Variants in GLOD4 observed in about 807,000 individuals in gnomAD.
The protein encoded by GLOD4 is glyoxalase domain-containing protein 4.
A neutral mutation model predicts 39.1 loss-of-function variants in GLOD4; 44 were observed. That is an observed-to-expected ratio of 1.13 (90% CI 0.88 to 1.45). The LOEUF (loss-of-function observed/expected upper bound fraction) is 1.45. Ranked by LOEUF, GLOD4 falls within the 40% of genes most tolerant of loss-of-function variation. GLOD4 has a pLI of 0.00. For synonymous variants in GLOD4, 145 were observed against 135.0 expected, an observed-to-expected ratio of 1.07 and a Z score of -0.52; for missense variants, 405 against 366.4, an observed-to-expected ratio of 1.11 and a Z score of -0.86.
rs140989061 is a variant in GLOD4 at position 768,460 on chromosome 17, G to A, written c.831+1409C>T. ...AGAGGACATAAGAGGGAGAAACAGC[G>A]CGCACTCAGATTTTTAGAAGAAATC... On this transcript the variant is annotated intron_variant, in intron 8 of 8. Coordinates refer to ENST00000301329, the MANE Select transcript of GLOD4 (RefSeq NM_016080.4). 1.3e-4 allele frequency among the ~76,000 whole-genome samples: 19 copies of A among 143,070 alleles called. No homozygotes were observed. The East Asian group carries it at 1.7e-3, about 13-fold the overall frequency. 93.9% of individuals were successfully genotyped at this position (143,070 alleles called of 152,430 possible).
upstream of GLOD4, chr17:782,374 G>A (rs777644106): frequency 6.2e-7 from 1 of 1,613,564 alleles, no homozygotes; most frequent in Non-Finnish European, 8.5e-7. Context: ...CGGGTCTCAG[G>A]GAACATGGCG....
chr17:776,016 T>TA, intron 3 of GLOD4, 97 bp from the exon 4 acceptor site: 1 of 870,168 alleles, frequency 1.1e-6, no homozygotes, highest in Non-Finnish European at 1.8e-6. Context: ...TGCCTTTAGG[T>TA]AAAATCACCT....
At chr17:780,692 G>C (rs1296789594) in intron 1 of GLOD4, 1 of 142,044 alleles carries the variant, frequency 7.0e-6, no homozygotes, top group African/African-American at 2.6e-5. Flanking sequence ...ACAGTGAGCC[G>C]AGATCGCGCC....
chr17:770,693 A>AC (rs201063438), intron 5 of GLOD4, 186 bp from the exon 6 acceptor site: 5 of 413,018 alleles, frequency 1.2e-5, no homozygotes, highest in Admixed American at 8.5e-5. Context: ...GCACGCATCT[A>AC]TGTTTTTTTT....
rs1208006656 is a variant in GLOD4, at chr17:775,696, A to G, written c.406+79T>C. 7 of 1,231,138 alleles carry G rather than the reference A, an allele frequency of 5.7e-6. No homozygotes were observed. In the Admixed American group the frequency reaches 5.8e-5, roughly 10 times the overall value. 76.3% of individuals were successfully genotyped at this position (1,231,138 alleles called of 1,614,324 possible). On this transcript the variant is annotated intron_variant, in intron 4 of 8. Coordinates refer to ENST00000301329, the MANE Select transcript of GLOD4 (RefSeq NM_016080.4). ...GTCACGTGAACACAGACTCTACAAAAAAAAGACAGGCAGCCCTCACTCTCC... is the reference window on the plus strand; with the variant it reads ...GTCACGTGAACACAGACTCTACAAAGAAAAGACAGGCAGCCCTCACTCTCC...
intron 4 of GLOD4, among the ~76,000 whole-genome samples, chr17:775,432 G>A (rs548123045): frequency 5.3e-5 from 8 of 152,318 alleles, no homozygotes; most frequent in Non-Finnish European, 1.0e-4. Context: ...TGGGGAGCTG[G>A]TGAATCATCT....
chr17:769,423 C>G (rs796760940), intron 8 of GLOD4, among the ~76,000 whole-genome samples: 1,252 of 34,402 alleles, frequency 0.036, no homozygotes, highest in Middle Eastern at 0.077. Context: ...ATCTCCCTGG[C>G]GAGAGCTGAG....
Position 761,715 on chromosome 17 carries a change from G to A in GLOD4, c.832-1477C>T, listed in dbSNP as rs140425156. 1.9e-3 allele frequency among the ~76,000 whole-genome samples: 295 copies of A among 152,292 alleles called. 1 individual carries two copies. The highest frequency in any genetic ancestry group is 6.9e-3 in the African/African-American group (287 of 41,562). ...GACAGGGTTTCACCATGTTGGTCAG[G>A]CTGGTCTGGGACTCCTGACCTCAGG... On this transcript the variant is annotated intron_variant, in intron 8 of 8. Transcript: ENST00000301329.
chr17:772,013 CAAAAAAAA>C (rs67745456), intron 4 of GLOD4, among the ~76,000 whole-genome samples: 5 of 50,992 alleles, frequency 9.8e-5, no homozygotes, highest in African/African-American at 3.4e-4. Flanking sequence ...AACTCTGTCT[CAAAAAAAA>C]AAAAAAAAAA....
chr17:774,297 C>T (rs1192276292), intron 4 of GLOD4, among the ~76,000 whole-genome samples: 4 of 152,140 alleles, frequency 2.6e-5, no homozygotes, highest in African/African-American at 7.2e-5. Flanking sequence ...ATGGGGGCAT[C>T]GGGGACAGGA....
chr17:784,280 GTCACAGGGATCTGTGCCTCTGCAC>G (rs1424013956), upstream of GLOD4, among the ~76,000 whole-genome samples: 1 of 152,226 alleles, frequency 6.6e-6, no homozygotes, highest in Non-Finnish European at 1.5e-5. Flanking sequence ...AACCCAGTGA[GTCACAGGGATCTGTGCCTCTGCAC>G]TCAGAGCTCT....
At position 769,898 on chromosome 17, in the gene GLOD4, C is replaced by G. The variant is rs746588800; in HGVS notation, c.802G>C (p.Asp268His). 6.8e-6 allele frequency: 11 copies of G among 1,606,726 alleles called. No homozygotes were observed. The highest frequency in any genetic ancestry group is 1.7e-6 in the Non-Finnish European group (2 of 1,173,208). The change falls in exon 8 of 9, where the codon GAT (aspartate) becomes CAT (histidine). Residue 268 changes from aspartate (D) to histidine (H), a missense_variant. Physicochemically the swap from Asp to His is moderately conservative, Grantham distance 81 (BLOSUM62 -1). Transcript: ENST00000301329. ...DEAFRELSKMDPEGSKLLDDA... is the reference protein window; with the variant it reads ...DEAFRELSKMHPEGSKLLDDA... ...TCCAACAATTTGCTTCCCTCTGGAT[C>G]CATCTTAGAAAGTTCTCGAAATGCT...
chr17:766,696 T>TTTA (rs1906628855), intron 8 of GLOD4, among the ~76,000 whole-genome samples: 1 of 151,962 alleles, frequency 6.6e-6, no homozygotes, highest in Admixed American at 6.6e-5. Context: ...GGCTAGGAGT[T>TTTA]TGAGACCAGC....
At chr17:771,637 G>GT (rs1907959984) in intron 4 of GLOD4, among the ~76,000 whole-genome samples, 176 bp from the exon 5 acceptor site, 1 of 152,240 alleles carries the variant, frequency 6.6e-6, no homozygotes, top group Non-Finnish European at 1.5e-5. Flanking sequence ...GGAGACTGAG[G>GT]TAGGAGGATT....
rs141525142 is a variant in GLOD4 at position 776,946 on chromosome 17, C to T, written c.183G>A (p.Gly61=). The T allele has an allele frequency of 5.6e-6, 9 of 1,605,244 alleles. No homozygotes were observed. Among genetic ancestry groups the T allele is most frequent in the Non-Finnish European group, 7.7e-6 (9 of 1,171,992 alleles). Reference sequence around the variant, plus strand: ...CTGCGACAAAATGATCATCCTCAGGCCCAAATCCCACCATTGTTTTACTCC... The same window carrying T: ...CTGCGACAAAATGATCATCCTCAGGTCCAAATCCCACCATTGTTTTACTCC... ...GKWSKTMVGF[G]PEDDHFVAEL... Residue 61 remains glycine, a synonymous_variant, in exon 3 of 9, where the codon GGG becomes GGA. Transcript: ENST00000301329.
chr17:782,598 C>T, upstream of GLOD4: 2 of 1,614,094 alleles, frequency 1.2e-6, no homozygotes, highest in Non-Finnish European at 1.7e-6. Flanking sequence ...ACGAGAGAAA[C>T]AACCGCTCGA....
intron 4 of GLOD4, among the ~76,000 whole-genome samples, chr17:772,452 A>G (rs929934319): frequency 1.3e-5 from 2 of 152,130 alleles, no homozygotes; most frequent in African/African-American, 4.8e-5. Context: ...CTATGAAGAA[A>G]AAACTTCTGC....
Position 775,831 on chromosome 17 carries a change from G to A in GLOD4, c.350C>T (p.Thr117Ile), listed in dbSNP as rs1407511880. 1.2e-6 allele frequency: 2 copies of A among 1,613,974 alleles called. No individual in the cohort carries two copies. The highest frequency in any genetic ancestry group is 2.2e-5 in the South Asian group (2 of 91,084). The change falls in exon 4 of 9, where the codon ACC becomes ATC. Residue 117 changes from threonine to isoleucine, a missense_variant. Coordinates refer to ENST00000301329, the MANE Select transcript of GLOD4 (RefSeq NM_016080.4). ...GAACTTATATCCTCCCGGGGCCTCG[G>A]TTTCAAAAACACCTTCTGCAACTTC... ...LTEVAEGVFE[T>I]EAPGGYKFYL...
At chr17:764,138 C>T (rs1388030332) in intron 8 of GLOD4, 1 of 152,168 alleles carries the variant, frequency 6.6e-6, no homozygotes, top group African/African-American at 2.4e-5. Context: ...TGAGAAGGTG[C>T]TCAATATCAT....
Sources: allele counts gnomAD v4.1 joint callset (sites outside exome capture counted in the v4.1 genomes callset), GRCh38; gene constraint gnomAD v4.1.1; transcripts MANE v1.5; gene names NCBI Gene and HGNC (gene_info 2026-07-23, HGNC 2026-07-21).